The following LIPA variants were observed in gnomAD, a reference collection of about 807,000 sequenced individuals.
The protein encoded by LIPA is lipase A, lysosomal acid type, also known as lysosomal acid lipase/cholesteryl ester hydrolase.
A neutral mutation model predicts 40.6 loss-of-function variants in LIPA; 26 were observed. That is an observed-to-expected ratio of 0.64 (90% CI 0.47 to 0.89). LIPA has a LOEUF of 0.89. Among genes scored for constraint, LIPA ranks in the 40% least tolerant of loss-of-function variants. The pLI is 0.00. For synonymous variants in LIPA, 188 were observed against 168.4 expected, an observed-to-expected ratio of 1.12 and a Z score of -0.90; for missense variants, 455 against 479.6, an observed-to-expected ratio of 0.95 and a Z score of 0.48.
At chr10:89,348,588 C>T (rs112902716) in intron 2 of LIPA, among the ~76,000 whole-genome samples, 10 of 152,178 alleles carry the variant, frequency 6.6e-5, no homozygotes, top group African/African-American at 1.9e-4. Context: ...CATTTGTTTG[C>T]GGGTTGCCAT....
At chr10:89,363,483 T>C (rs1250984678) in intron 2 of LIPA, 1 of 152,248 alleles carries the variant, frequency 6.6e-6, no homozygotes, top group South Asian at 2.1e-4. Flanking sequence ...TTGACTAATA[T>C]TAAAAAGAGC....
chr10:89,374,341 A>T (rs1191998280), intron 2 of LIPA, among the ~76,000 whole-genome samples: 1 of 150,098 alleles, frequency 6.7e-6, no homozygotes, highest in African/African-American at 2.5e-5. Context: ...AGACACACAC[A>T]CACTCTCTCT....
At chr10:89,383,234 T>C (rs757979924) in intron 2 of LIPA, 22 of 1,177,950 alleles carry the variant, frequency 1.9e-5, no homozygotes, top group East Asian at 4.8e-5. Context: ...GGATAGAGCA[T>C]ATTTGACTAT....
At chr10:89,363,788 A>AG (rs1414362719) in intron 2 of LIPA, among the ~76,000 whole-genome samples, 2 of 151,222 alleles carry the variant, frequency 1.3e-5, no homozygotes, top group Non-Finnish European at 2.9e-5. Context: ...AAAAAAAAAA[A>AG]AAAAGCGAGG....
chr10:89,393,353 A>C (rs1413444419), intron 2 of LIPA: 1 of 1,202,830 alleles, frequency 8.3e-7, no homozygotes, highest in African/African-American at 1.6e-5. Flanking sequence ...TACGTCCTTG[A>C]CTGAAGATGA....
At chr10:89,383,473 A>C in intron 2 of LIPA, 1 of 1,614,240 alleles carries the variant, frequency 6.2e-7, no homozygotes, top group Non-Finnish European at 8.5e-7. Context: ...CAATGTGGGA[A>C]TACACAACCT....
intron 8 of LIPA, 90 bp from the exon 9 acceptor site, chr10:89,216,099 A>G: frequency 1.2e-6 from 1 of 831,942 alleles, no homozygotes; most frequent in South Asian, 1.3e-5. Flanking sequence ...AACCTCGGAA[A>G]TCAACTTTAT....
intron 2 of LIPA, among the ~76,000 whole-genome samples, chr10:89,246,195 G>A (rs2246828): frequency 0.25 from 38,665 of 151,996 alleles, 5,617 homozygotes; most frequent in South Asian, 0.41. Flanking sequence ...TCCCCTGCTG[G>A]CCAATAAAGT....
At chr10:89,248,702 C>G (rs1392126268) in intron 1 of LIPA, among the ~76,000 whole-genome samples, 4 of 146,226 alleles carry the variant, frequency 2.7e-5, no homozygotes, top group Non-Finnish European at 5.9e-5. Flanking sequence ...CCAGGATGGT[C>G]TCGATCTCCT....
At chr10:89,237,506 GAA>G (rs1842919788) in intron 3 of LIPA, among the ~76,000 whole-genome samples, 2 of 152,044 alleles carry the variant, frequency 1.3e-5, no homozygotes, top group South Asian at 4.2e-4. Context: ...GTAAGGAAGA[GAA>G]ACAAGCACCA....
intron 1 of LIPA, among the ~76,000 whole-genome samples, chr10:89,290,688 C>T (rs535936425): frequency 8.3e-4 from 126 of 152,338 alleles, no homozygotes; most frequent in Non-Finnish European, 1.6e-3. Flanking sequence ...CCGCACTGAG[C>T]ACCTGGTGAC....
chr10:89,280,397 A>C (rs980216082), intron 1 of LIPA, among the ~76,000 whole-genome samples: 6 of 152,200 alleles, frequency 3.9e-5, no homozygotes, highest in East Asian at 3.9e-4. Context: ...ACTAGAAGGC[A>C]GGGGAGGGGT....
intron 1 of LIPA, chr10:89,412,959 G>A (rs1021941761): frequency 3.7e-5 from 8 of 214,666 alleles, no homozygotes; most frequent in Non-Finnish European, 6.9e-5. Flanking sequence ...CATCACCTAC[G>A]TATTAAGCTC....
chr10:89,331,678 G>T (rs1843652464), intron 1 of LIPA, among the ~76,000 whole-genome samples: 1 of 151,912 alleles, frequency 6.6e-6, no homozygotes, highest in Non-Finnish European at 1.5e-5. Context: ...GGGCAACATA[G>T]TGAGACCCCG....
intron 2 of LIPA, among the ~76,000 whole-genome samples, chr10:89,407,469 C>T (rs1841431482): frequency 6.6e-6 from 1 of 152,172 alleles, no homozygotes; most frequent in Admixed American, 6.5e-5. Context: ...CCCAAAGCCC[C>T]ATCGTATGGG....
chr10:89,411,675 A>C (rs563566359), intron 2 of LIPA, among the ~76,000 whole-genome samples: 8 of 152,166 alleles, frequency 5.3e-5, no homozygotes, highest in Non-Finnish European at 1.0e-4. Flanking sequence ...GGCAGCAGCG[A>C]CTCTCCAAAA....
At chr10:89,392,669 G>C (rs754080671) in intron 2 of LIPA, 1 of 1,612,912 alleles carries the variant, frequency 6.2e-7, no homozygotes, top group Non-Finnish European at 8.5e-7. Context: ...GAGGAGCCTG[G>C]CTAAGCAAAA....
intron 2 of LIPA, among the ~76,000 whole-genome samples, chr10:89,351,846 A>G (rs1843961076): frequency 1.3e-5 from 2 of 152,234 alleles, no homozygotes; most frequent in African/African-American, 4.8e-5. Flanking sequence ...GACATCTGAC[A>G]TCACAAGGGC....
At chr10:89,327,764 A>C (rs951389953) in intron 1 of LIPA, 4 of 381,714 alleles carry the variant, frequency 1.0e-5, no homozygotes, top group Non-Finnish European at 1.9e-5. Flanking sequence ...ATGCTTCCAC[A>C]TTCTCTCAAA....
Sources: allele counts gnomAD v4.1 joint callset (sites outside exome capture counted in the v4.1 genomes callset), GRCh38; gene constraint gnomAD v4.1.1; transcripts MANE v1.5; gene names NCBI Gene and HGNC (gene_info 2026-07-23, HGNC 2026-07-21).